COL4A2: variants seen among roughly 807,000 people sequenced by gnomAD.
COL4A2 encodes collagen alpha-2(IV) chain.
Under a neutral mutation model 200.2 loss-of-function variants are expected in COL4A2, and 99 were observed. That is an observed-to-expected ratio of 0.49 (90% CI 0.42 to 0.58). The LOEUF is 0.58. Ranked by LOEUF, COL4A2 falls within the 20% of genes least tolerant of loss-of-function variation. COL4A2 has a pLI of 0.00. For missense variants in COL4A2, 1,950 were observed against 2,314.1 expected, an observed-to-expected ratio of 0.84 and a Z score of 3.23; for synonymous variants, 897 against 900.6, an observed-to-expected ratio of 1.00 and a Z score of 0.07.
At chr13:110,417,912 A>G (rs1185404736) in intron 4 of COL4A2, among the ~76,000 whole-genome samples, 1 of 152,074 alleles carries the variant, frequency 6.6e-6, no homozygotes, top group Non-Finnish European at 1.5e-5. Flanking sequence ...TCTTAGGTAT[A>G]TACCTAGGAG....
Position 110,307,881 on chromosome 13 carries a change from C to T in COL4A2, c.-23C>T. ...CTAGGCTAAGTGGGACTGACCGGGG[C>T]CCAGAGTGGACGAACCGCCAGCATG... On this transcript the variant is annotated 5_prime_UTR_variant, in exon 2 of 48. Coordinates refer to ENST00000360467, the MANE Select transcript of COL4A2 (RefSeq NM_001846.4). This position sits in a 1 kb window ranked among gnomAD's most constrained non-coding sequence, Gnocchi z 5.0. 1 of 1,609,504 alleles carries T rather than the reference C, an allele frequency of 6.2e-7. No homozygotes were observed. Among genetic ancestry groups the T allele is most frequent in the African/African-American group, 1.3e-5 (1 of 75,040 alleles).
At chr13:110,317,150 A>G (rs1432085188) in intron 3 of COL4A2, among the ~76,000 whole-genome samples, 1 of 151,554 alleles carries the variant, frequency 6.6e-6, no homozygotes, top group Non-Finnish European at 1.5e-5. Flanking sequence ...ACACATACAG[A>G]CACACAGATG....
chr13:110,489,872 C>A, intron 36 of COL4A2, 87 bp downstream of exon 36: 1 of 1,389,020 alleles, frequency 7.2e-7, no homozygotes, highest in Non-Finnish European at 9.8e-7. Flanking sequence ...AGATCAAATT[C>A]AGTAACAACC....
chr13:110,450,536 T>C (rs772517443), intron 20 of COL4A2, 82 bp downstream of exon 20: 40 of 1,518,370 alleles, frequency 2.6e-5, no homozygotes, highest in African/African-American at 6.8e-5. Flanking sequence ...TTTGGGATTC[T>C]CTGCTAAATG....
chr13:110,512,931 T>G lies in COL4A2; in HGVS notation c.*740T>G, dbSNP rs1323740922. On this transcript the variant is annotated 3_prime_UTR_variant, in exon 48 of 48. Transcript: ENST00000360467. ...CCACTGCCCCACGTTGTCCCTGAGATTTAACCCCTCCACTGCTGGGGGTGA... is the reference window on the plus strand; with the variant it reads ...CCACTGCCCCACGTTGTCCCTGAGAGTTAACCCCTCCACTGCTGGGGGTGA... 6.6e-6 allele frequency: 1 copy of G among 152,156 alleles called. No individual in the cohort carries two copies. Among genetic ancestry groups the G allele is most frequent in the Non-Finnish European group, 1.5e-5 (1 of 68,058 alleles). 9.4% of individuals were successfully genotyped at this position (152,156 alleles called of 1,614,324 possible).
intron 3 of COL4A2, among the ~76,000 whole-genome samples, chr13:110,322,518 T>C (rs1885301415): frequency 1.3e-5 from 2 of 152,224 alleles, no homozygotes; most frequent in South Asian, 2.1e-4. Flanking sequence ...GGACAGGGGA[T>C]GGACGCGTCA....
chr13:110,420,280 G>A (rs114202460), intron 4 of COL4A2, among the ~76,000 whole-genome samples: 1 of 152,304 alleles, frequency 6.6e-6, no homozygotes, highest in African/African-American at 2.4e-5. Context: ...TGCAGTTGCC[G>A]TGGGGACAAA....
intron 22 of COL4A2, among the ~76,000 whole-genome samples, chr13:110,461,122 A>G (rs1007737695): frequency 1.3e-5 from 2 of 152,248 alleles, no homozygotes; most frequent in East Asian, 1.9e-4. Flanking sequence ...CCAGGCTGCG[A>G]TTTGAGAGTC....
At chr13:110,376,093 T>C (rs1878225845) in intron 4 of COL4A2, among the ~76,000 whole-genome samples, 1 of 152,186 alleles carries the variant, frequency 6.6e-6, no homozygotes, top group Non-Finnish European at 1.5e-5. Flanking sequence ...GAAAGAACTA[T>C]CTGACATTCA....
intron 36 of COL4A2, among the ~76,000 whole-genome samples, chr13:110,490,264 T>TC (rs984370610): frequency 3.3e-5 from 5 of 152,214 alleles, no homozygotes; most frequent in Admixed American, 3.3e-4. Flanking sequence ...GCACAGTGCC[T>TC]CCCTTCCCTT....
intron 3 of COL4A2, among the ~76,000 whole-genome samples, chr13:110,333,472 G>A (rs1876021830): frequency 6.6e-6 from 1 of 152,206 alleles, no homozygotes; most frequent in Non-Finnish European, 1.5e-5. Context: ...GTACCTACAG[G>A]CTCCGTGAGC....
intron 4 of COL4A2, among the ~76,000 whole-genome samples, chr13:110,402,186 A>G (rs9515204): frequency 0.59 from 89,319 of 152,088 alleles, 26,823 homozygotes; most frequent in Non-Finnish European, 0.66. Context: ...TCTCATCTAA[A>G]TATCATCTAA....
At chr13:110,464,776 C>T (rs950091929) in intron 24 of COL4A2, among the ~76,000 whole-genome samples, 2 of 152,114 alleles carry the variant, frequency 1.3e-5, no homozygotes, top group East Asian at 1.9e-4. Context: ...GGGACAGCAC[C>T]GAGCCGTGCC....
At chr13:110,446,453 C>T (rs1881328713) in intron 17 of COL4A2, among the ~76,000 whole-genome samples, 1 of 152,190 alleles carries the variant, frequency 6.6e-6, no homozygotes. Context: ...GCCGCATCAT[C>T]TCCCAGCCCA....
At chr13:110,435,323 A>G (rs1377199303) in intron 12 of COL4A2, among the ~76,000 whole-genome samples, 1 of 152,238 alleles carries the variant, frequency 6.6e-6, no homozygotes, top group Non-Finnish European at 1.5e-5. Flanking sequence ...AAAAACAAGA[A>G]AAATCTGGGA....
chr13:110,463,770 A>G (rs1179989413), intron 24 of COL4A2, among the ~76,000 whole-genome samples: 1 of 152,162 alleles, frequency 6.6e-6, no homozygotes, highest in African/African-American at 2.4e-5. Flanking sequence ...TCCTGGGCTC[A>G]AGTGATTCTC....
At chr13:110,322,264 T>C (rs950790153) in intron 3 of COL4A2, among the ~76,000 whole-genome samples, 2 of 152,202 alleles carry the variant, frequency 1.3e-5, no homozygotes, top group African/African-American at 2.4e-5. Context: ...GCCTCTGTTC[T>C]TGATGTTTGT....
At chr13:110,315,510 C>T (rs1299759870) in intron 3 of COL4A2, among the ~76,000 whole-genome samples, 3 of 152,192 alleles carry the variant, frequency 2.0e-5, no homozygotes, top group Admixed American at 6.5e-5. Flanking sequence ...ATTCTCCTGC[C>T]TCAGCCTCCC....
intron 46 of COL4A2, among the ~76,000 whole-genome samples, chr13:110,506,825 G>T (rs978855845): frequency 6.6e-6 from 1 of 152,194 alleles, no homozygotes; most frequent in African/African-American, 2.4e-5. Context: ...ACAGGGACCT[G>T]CCTTTTAACC....
Sources: gnomAD v4.1 joint callset for allele counts (sites outside exome capture counted in the v4.1 genomes callset) on GRCh38, gnomAD v4.1.1 for gene constraint, Gnocchi (gnomAD v3.1) non-coding constraint, MANE v1.5 for transcripts, NCBI Gene and HGNC (gene_info 2026-07-23, HGNC 2026-07-21) for gene names.